The following COG5 variants were observed in gnomAD, a reference collection of about 807,000 sequenced individuals.
The protein encoded by COG5 is conserved oligomeric Golgi complex subunit 5.
COG5 carries 86 observed loss-of-function variants against 110.4 expected under a neutral mutation model. That is an observed-to-expected ratio of 0.78 (90% CI 0.65 to 0.93). COG5 has a LOEUF of 0.93. Ranked by LOEUF, COG5 falls within the 40% of genes least tolerant of loss-of-function variation. The pLI is 0.00. For missense variants in COG5, 1,077 were observed against 987.0 expected (o/e 1.09, Z -1.22); for synonymous variants, 360 against 334.6 (o/e 1.08, Z -0.83).
In COG5 at chr7:107,203,423, A is replaced by G. The variant is rs1297458753; in HGVS notation, c.*93T>C. 2 of 831,944 alleles carry G rather than the reference A, an allele frequency of 2.4e-6. No individual in the cohort carries two copies. The highest frequency in any genetic ancestry group is 2.5e-5 in the East Asian group (1 of 40,602). 51.5% of individuals were successfully genotyped at this position (831,944 alleles called of 1,614,324 possible). On this transcript the variant is annotated 3_prime_UTR_variant, in exon 22 of 22. Transcript: ENST00000297135. ...CCGAACAATCAATTACATTCTTAAA[A>G]TAGTAGATAGTAGCAGTCTTTTGGA... is the stretch of plus-strand genomic sequence containing the variant.
Position 107,203,336 on chromosome 7 carries a change from C to G in COG5, c.*180G>C. 3.3e-6 allele frequency: 2 copies of G among 613,044 alleles called. No homozygotes were observed. The highest frequency in any genetic ancestry group is 5.8e-6 in the Non-Finnish European group (2 of 342,986). The allele number at this position is 613,044 out of a possible 1,614,324, so 38.0% of individuals were successfully genotyped here. On this transcript the variant is annotated 3_prime_UTR_variant, in exon 22 of 22. Coordinates refer to ENST00000297135, the MANE Select transcript of COG5 (RefSeq NM_006348.5). ...CCATGGAATTGAAAGGTGGTGATAA[C>G]TCAACATTTTTTATGCTAAAGTATA...
chr7:107,270,862 C>T lies in COG5; in HGVS notation c.1575+10438G>A, dbSNP rs75406561. ...TCTATACTTGTGCTAATATTTTATA[C>T]TTCATTATCCTAACTAGAACTTTTT... On this transcript the variant is annotated intron_variant, in intron 14 of 21. Coordinates refer to ENST00000297135, the MANE Select transcript of COG5 (RefSeq NM_006348.5). Among the ~76,000 whole-genome samples the T allele has an allele frequency of 5.8e-3, 733 of 125,600 alleles. 5 individuals carry two copies. The highest frequency in any genetic ancestry group is 0.019 in the African/African-American group (685 of 35,212). The allele number at this position is 125,600 out of a possible 152,430, so 82.4% of individuals were successfully genotyped here. A position where few individuals can be genotyped will look rare whatever the true frequency, so the allele number is the denominator to read the frequency against.
intron 14 of COG5, among the ~76,000 whole-genome samples, chr7:107,269,343 C>T (rs1042036599): frequency 2.0e-5 from 3 of 151,912 alleles, no homozygotes; most frequent in Non-Finnish European, 2.9e-5. Flanking sequence ...GGTGTGGTGG[C>T]GGACGCCTGT....
At chr7:107,430,585 T>C (rs964633613) in intron 6 of COG5, among the ~76,000 whole-genome samples, 1 of 152,240 alleles carries the variant, frequency 6.6e-6, no homozygotes, top group East Asian at 1.9e-4. Context: ...TTGTTTTAGC[T>C]ATTCTGGGTT....
chr7:107,493,998 C>T (rs911135460), intron 6 of COG5, among the ~76,000 whole-genome samples: 5 of 151,998 alleles, frequency 3.3e-5, no homozygotes, highest in African/African-American at 1.2e-4. Flanking sequence ...CTTTTCAAAA[C>T]AAAGTAATTT....
intron 6 of COG5, among the ~76,000 whole-genome samples, chr7:107,488,620 G>A (rs918646740): frequency 6.6e-6 from 1 of 152,092 alleles, no homozygotes; most frequent in Non-Finnish European, 1.5e-5. Context: ...CAAGGAAGGT[G>A]GATCACTTGA....
intron 17 of COG5, among the ~76,000 whole-genome samples, chr7:107,242,311 C>T (rs1160269798): frequency 6.6e-6 from 1 of 152,230 alleles, no homozygotes; most frequent in Non-Finnish European, 1.5e-5. Context: ...GGAACCCCCA[C>T]TGCCCAGAAA....
intron 7 of COG5, among the ~76,000 whole-genome samples, chr7:107,389,725 C>T (rs1790476385): frequency 6.6e-6 from 1 of 152,130 alleles, no homozygotes; most frequent in African/African-American, 2.4e-5. Flanking sequence ...CATTTCATTG[C>T]CACGTCCCAT....
chr7:107,268,286 T>C (rs1248253952), intron 14 of COG5, among the ~76,000 whole-genome samples: 2 of 152,168 alleles, frequency 1.3e-5, no homozygotes, highest in Admixed American at 6.5e-5. Flanking sequence ...TCTTTATATA[T>C]AGTCCAACAA....
At chr7:107,510,608 C>G (rs761307928) in intron 6 of COG5, among the ~76,000 whole-genome samples, 3 of 152,172 alleles carry the variant, frequency 2.0e-5, no homozygotes, top group Admixed American at 6.5e-5. Context: ...CTTTTCAGCA[C>G]CACACCACAC....
intron 6 of COG5, among the ~76,000 whole-genome samples, chr7:107,486,495 A>C (rs938894274): frequency 6.6e-6 from 1 of 152,160 alleles, no homozygotes; most frequent in African/African-American, 2.4e-5. Flanking sequence ...TGCCTTACAA[A>C]TTACTCAAAG....
chr7:107,269,867 G>A (rs576560382), intron 14 of COG5, among the ~76,000 whole-genome samples: 1 of 152,300 alleles, frequency 6.6e-6, no homozygotes, highest in East Asian at 1.9e-4. Context: ...GCAGGATCTA[G>A]GATTAAGGTT....
rs1168926155 is a variant in COG5, at chr7:107,220,815, C to CTT, written c.2169-9592_2169-9591dup. 2.8e-3 allele frequency among the ~76,000 whole-genome samples: 346 copies of CTT among 123,868 alleles called. 2 individuals carry two copies. The highest frequency in any genetic ancestry group is 7.9e-3 in the African/African-American group (256 of 32,418). 81.3% of individuals were successfully genotyped at this position (123,868 alleles called of 152,430 possible). On this transcript the variant is annotated intron_variant, in intron 19 of 21. Transcript: ENST00000297135. ...CAAAGGATAGCGGGACTCATGCCTT[C>CTT]TTTTTTTTTTTTTTTTTTTTTTGAG...
At chr7:107,504,392 G>C (rs545002314) in intron 6 of COG5, among the ~76,000 whole-genome samples, 1 of 152,210 alleles carries the variant, frequency 6.6e-6, no homozygotes, top group South Asian at 2.1e-4. Flanking sequence ...TGTTGGATTT[G>C]GTTAGTTAGT....
intron 7 of COG5, among the ~76,000 whole-genome samples, chr7:107,392,415 G>A (rs1790685898): frequency 2.0e-5 from 3 of 152,122 alleles, no homozygotes; most frequent in Admixed American, 2.0e-4. Context: ...CTGAAGTATA[G>A]AGAAGTTAAG....
intron 15 of COG5, among the ~76,000 whole-genome samples, chr7:107,257,726 C>T (rs946334771): frequency 6.6e-6 from 1 of 152,008 alleles, no homozygotes. Flanking sequence ...TATATGAAGA[C>T]AAACAAGGTT....
At chr7:107,491,140 T>C (rs1797951381) in intron 6 of COG5, among the ~76,000 whole-genome samples, 1 of 152,130 alleles carries the variant, frequency 6.6e-6, no homozygotes, top group Admixed American at 6.6e-5. Flanking sequence ...TATTCTTCAG[T>C]ATCTTCAAAC....
intron 7 of COG5, among the ~76,000 whole-genome samples, chr7:107,390,328 C>T (rs1790526911): frequency 6.6e-6 from 1 of 152,116 alleles, no homozygotes; most frequent in African/African-American, 2.4e-5. Flanking sequence ...AAAAATGTGT[C>T]TAATGAACCT....
intron 5 of COG5, among the ~76,000 whole-genome samples, chr7:107,529,455 T>C (rs1278951465): frequency 6.6e-6 from 1 of 152,224 alleles, no homozygotes; most frequent in Non-Finnish European, 1.5e-5. Flanking sequence ...TTCCAGGGCA[T>C]GTGCTTTAAG....
Sources: allele counts gnomAD v4.1 joint callset (sites outside exome capture counted in the v4.1 genomes callset), GRCh38; gene constraint gnomAD v4.1.1; transcripts MANE v1.5; gene names NCBI Gene and HGNC (gene_info 2026-07-23, HGNC 2026-07-21).